The following ROBO2 variants were observed in gnomAD, a reference collection of about 807,000 sequenced individuals.
ROBO2 encodes the protein roundabout homolog 2.
ROBO2 carries 53 observed loss-of-function variants against 160.8 expected under a neutral mutation model. That is an observed-to-expected ratio of 0.33 (90% CI 0.26 to 0.41). ROBO2 has a LOEUF of 0.41. Ranked by LOEUF, ROBO2 falls within the 10% of genes least tolerant of loss-of-function variation. The pLI is 1.00. For synonymous variants in ROBO2, 664 were observed against 611.7 expected, an observed-to-expected ratio of 1.09 and a Z score of -1.26; for missense variants, 1,577 against 1,722.4, an observed-to-expected ratio of 0.92 and a Z score of 1.49.
At chr3:77,087,674 A>G (rs1291228568) in intron 1 of ROBO2, among the ~76,000 whole-genome samples, 1 of 152,020 alleles carries the variant, frequency 6.6e-6, no homozygotes, top group Non-Finnish European at 1.5e-5. Flanking sequence ...CTTCAATATT[A>G]TATATACATG....
At chr3:76,445,583 C>T (rs570731382) in intron 2 of ROBO2, among the ~76,000 whole-genome samples, 35 of 151,958 alleles carry the variant, frequency 2.3e-4, no homozygotes, top group Admixed American at 4.6e-4. Context: ...AGAGACACAA[C>T]GAAAAAAGAG....
chr3:77,607,940 A>C, exon 21 of ROBO2: 1 of 1,613,858 alleles, frequency 6.2e-7, no homozygotes, highest in South Asian at 1.1e-5. Flanking sequence ...ATGCAGTGGA[A>C]CAACAAGAAA....
At chr3:76,607,424 T>C (rs2087749633) in intron 2 of ROBO2, among the ~76,000 whole-genome samples, 1 of 152,234 alleles carries the variant, frequency 6.6e-6, no homozygotes, top group Non-Finnish European at 1.5e-5. Context: ...TAGTGTGCTG[T>C]GGCAAATACC....
chr3:76,454,703 CAGGAAGCACAT>C (rs1381648940), intron 2 of ROBO2, among the ~76,000 whole-genome samples: 1 of 152,066 alleles, frequency 6.6e-6, no homozygotes, highest in African/African-American at 2.4e-5. Flanking sequence ...GCCTGGCACA[CAGGAAGCACAT>C]ATTAAATAAT....
intron 2 of ROBO2, among the ~76,000 whole-genome samples, chr3:76,259,401 TG>T (rs1706599614): frequency 6.6e-6 from 1 of 152,126 alleles, no homozygotes; most frequent in South Asian, 2.1e-4. Flanking sequence ...AGAAATAAGA[TG>T]GGGGACCAGT....
At chr3:76,549,499 T>C (rs1325685590) in intron 2 of ROBO2, among the ~76,000 whole-genome samples, 1 of 152,202 alleles carries the variant, frequency 6.6e-6, no homozygotes, top group Non-Finnish European at 1.5e-5. Context: ...TGTCTGGTGA[T>C]AGAATTTTTA....
intron 2 of ROBO2, among the ~76,000 whole-genome samples, chr3:76,536,175 T>A (rs2082491553): frequency 6.6e-6 from 1 of 152,108 alleles, no homozygotes; most frequent in Non-Finnish European, 1.5e-5. Context: ...TGTTCTGAAG[T>A]TTTTCTGTGC....
intron 2 of ROBO2, among the ~76,000 whole-genome samples, chr3:76,066,400 A>T (rs1576711287): frequency 6.6e-6 from 1 of 152,136 alleles, no homozygotes; most frequent in African/African-American, 2.4e-5. Context: ...TTAATATTTT[A>T]TATAAGTTAA....
intron 2 of ROBO2, among the ~76,000 whole-genome samples, chr3:76,463,003 C>T (rs2078168728): frequency 6.7e-6 from 1 of 150,358 alleles, no homozygotes; most frequent in Admixed American, 6.6e-5. Flanking sequence ...TGTAGGTCCA[C>T]TCACTTTGCC....
chr3:76,145,662 T>G (rs1259074593), intron 2 of ROBO2, among the ~76,000 whole-genome samples: 1 of 152,052 alleles, frequency 6.6e-6, no homozygotes, highest in Non-Finnish European at 1.5e-5. Flanking sequence ...AATTTACTTA[T>G]GTATAACTCC....
chr3:76,462,181 G>T (rs1343338870), intron 2 of ROBO2, among the ~76,000 whole-genome samples: 1 of 152,156 alleles, frequency 6.6e-6, no homozygotes, highest in Non-Finnish European at 1.5e-5. Flanking sequence ...GAAATAAGTA[G>T]ATAAGTACAA....
At chr3:77,362,616 G>A (rs1483939751) in intron 2 of ROBO2, among the ~76,000 whole-genome samples, 1 of 152,106 alleles carries the variant, frequency 6.6e-6, no homozygotes, top group East Asian at 1.9e-4. Context: ...TTAAGCAAAG[G>A]ATAATTGTCA....
At chr3:76,934,859 C>G (rs938769454) in intron 2 of ROBO2, among the ~76,000 whole-genome samples, 1 of 152,090 alleles carries the variant, frequency 6.6e-6, no homozygotes, top group African/African-American at 2.4e-5. Context: ...TCAGCATAGT[C>G]AATTTTTCAC....
intron 2 of ROBO2, among the ~76,000 whole-genome samples, chr3:76,786,779 C>T (rs1468250843): frequency 6.6e-6 from 1 of 151,292 alleles, no homozygotes; most frequent in Non-Finnish European, 1.5e-5. Flanking sequence ...CTACTCAACT[C>T]TTCAATTATG....
chr3:76,842,881 T>C (rs911860923), intron 2 of ROBO2, among the ~76,000 whole-genome samples: 2 of 152,148 alleles, frequency 1.3e-5, no homozygotes, highest in Non-Finnish European at 2.9e-5. Context: ...GAATGAGTTA[T>C]TATTCCTGCT....
chr3:76,561,311 TACTC>T (rs2084172202), intron 2 of ROBO2, among the ~76,000 whole-genome samples: 1 of 152,122 alleles, frequency 6.6e-6, no homozygotes, highest in African/African-American at 2.4e-5. Flanking sequence ...CAGTCAAACT[TACTC>T]AGCTTGCCTT....
At chr3:77,354,917 A>G (rs2068847160) in intron 2 of ROBO2, among the ~76,000 whole-genome samples, 1 of 152,194 alleles carries the variant, frequency 6.6e-6, no homozygotes, top group Admixed American at 6.5e-5. Flanking sequence ...CATTTCAAAC[A>G]CGCTAGAAAT....
intron 2 of ROBO2, among the ~76,000 whole-genome samples, chr3:76,196,062 A>G (rs1702246684): frequency 6.6e-6 from 1 of 152,154 alleles, no homozygotes; most frequent in African/African-American, 2.4e-5. Context: ...ACAGACAAGG[A>G]GCCTGGGTAC....
At chr3:76,159,087 A>G (rs2072520006) in intron 2 of ROBO2, among the ~76,000 whole-genome samples, 1 of 152,176 alleles carries the variant, frequency 6.6e-6, no homozygotes, top group African/African-American at 2.4e-5. Context: ...AGTGAATTTG[A>G]AAATGTCCCT....
Sources: gnomAD v4.1 joint callset for allele counts (sites outside exome capture counted in the v4.1 genomes callset) on GRCh38, gnomAD v4.1.1 for gene constraint, MANE v1.5 for transcripts, NCBI Gene and HGNC (gene_info 2026-07-23, HGNC 2026-07-21) for gene names.